GPHN: variants seen among roughly 807,000 people sequenced by gnomAD.
GPHN encodes gephyrin.
GPHN carries 17 observed loss-of-function variants against 95.5 expected under a neutral mutation model. That is an observed-to-expected ratio of 0.18 (90% confidence interval 0.12 to 0.27). The LOEUF is 0.27. GPHN is among the 10% of genes least tolerant of loss of function. The pLI is 1.00. For synonymous variants in GPHN, 320 were observed against 322.5 expected, an observed-to-expected ratio of 0.99 and a Z score of 0.08; for missense variants, 660 against 978.1, an observed-to-expected ratio of 0.67 and a Z score of 4.34.
chr14:67,423,632 C>A, the GPHN span, among the ~76,000 whole-genome samples: 3 of 152,140 alleles, frequency 2.0e-5, no homozygotes, highest in Non-Finnish European at 4.4e-5. Flanking sequence ...TTGCGGCAAA[C>A]CTTGGCACAG....
intron 2 of GPHN, among the ~76,000 whole-genome samples, chr14:66,727,366 A>T (rs1396780726): frequency 2.6e-5 from 4 of 152,230 alleles, no homozygotes; most frequent in Non-Finnish European, 5.9e-5. Context: ...TGCTGAAAAG[A>T]TACCCAAAAA....
the GPHN span, among the ~76,000 whole-genome samples, chr14:67,667,212 C>T: frequency 2.4e-4 from 37 of 152,186 alleles, no homozygotes; most frequent in Admixed American, 3.9e-4. Flanking sequence ...CCAAGGTGGG[C>T]AGCCTCTCTT....
At chr14:67,253,900 T>C in the GPHN span, among the ~76,000 whole-genome samples, 1 of 150,930 alleles carries the variant, frequency 6.6e-6, no homozygotes, top group African/African-American at 2.4e-5. Flanking sequence ...TGATTCAAAA[T>C]CTTAGGCTTG....
chr14:67,034,270 A>G (rs143196800), intron 10 of GPHN, among the ~76,000 whole-genome samples: 1 of 152,304 alleles, frequency 6.6e-6, no homozygotes, highest in African/African-American at 2.4e-5. Context: ...TGATTGATAG[A>G]TTGTTCTGTT....
chr14:67,659,843 C>G, the GPHN span: 1 of 1,614,134 alleles, frequency 6.2e-7, no homozygotes, highest in Non-Finnish European at 8.5e-7. Flanking sequence ...AAGGTCCTTC[C>G]GGTAGTTTCG....
chr14:66,606,437 A>G (rs1183699867), intron 1 of GPHN, among the ~76,000 whole-genome samples: 1 of 151,972 alleles, frequency 6.6e-6, no homozygotes, highest in Non-Finnish European at 1.5e-5. Flanking sequence ...CTTTTTGCTT[A>G]GTATTGCCTT....
At chr14:66,928,880 A>G (rs1375189333) in intron 8 of GPHN, among the ~76,000 whole-genome samples, 2 of 152,028 alleles carry the variant, frequency 1.3e-5, no homozygotes, top group Non-Finnish European at 2.9e-5. Context: ...TAGATAAGAT[A>G]CATATGATTT....
intron 6 of GPHN, among the ~76,000 whole-genome samples, chr14:66,921,236 T>G (rs908331142): frequency 6.6e-6 from 1 of 152,214 alleles, no homozygotes; most frequent in Admixed American, 6.5e-5. Context: ...GTTCCCTGTT[T>G]ACCGCATCCA....
intron 3 of GPHN, among the ~76,000 whole-genome samples, chr14:66,794,000 C>T (rs1447879535): frequency 6.6e-6 from 1 of 152,060 alleles, no homozygotes; most frequent in African/African-American, 2.4e-5. Context: ...GACTGAATGA[C>T]AAGTATTTTT....
chr14:66,719,127 G>A lies in GPHN; in HGVS notation c.143+37942G>A, dbSNP rs371581734. ...GCTGAGAACTTGCACCAGGCTACCTGCTTCCCATCTGTGAAAGAAAGTAGG... is the reference window on the plus strand; with the variant it reads ...GCTGAGAACTTGCACCAGGCTACCTACTTCCCATCTGTGAAAGAAAGTAGG... On this transcript the variant is annotated intron_variant, in intron 2 of 22. Transcript: ENST00000478722. Among the ~76,000 whole-genome samples, 7 of 152,272 alleles carry A rather than the reference G, an allele frequency of 4.6e-5. No individual in the cohort carries two copies. In the East Asian group the frequency reaches 1.4e-3, roughly 29 times the overall value.
rs57939945 is a variant in GPHN at position 66,629,173 on chromosome 14, A to ATATTTATATACGTATATAAATATATATT, written c.65-51931_65-51930insTTATATACGTATATAAATATATATTTAT. 4.9e-4 allele frequency among the ~76,000 whole-genome samples: 44 copies of ATATTTATATACGTATATAAATATATATT among 90,596 alleles called. 1 individual carries two copies. The highest frequency in any genetic ancestry group is 7.4e-4 in the African/African-American group (12 of 16,312). The allele number at this position is 90,596 out of a possible 152,430, so 59.4% of individuals were successfully genotyped here. Reference sequence around the variant, plus strand: ...CATATATAAATATGTATATAAATATATATATACATATATAAATATGTATAT... The same window carrying ATATTTATATACGTATATAAATATATATT: ...CATATATAAATATGTATATAAATATATATTTATATACGTATATAAATATATATTTATATACATATATAAATATGTATAT... On this transcript the variant is annotated intron_variant, in intron 1 of 22. Coordinates refer to ENST00000478722, the MANE Select transcript of GPHN (RefSeq NM_020806.5).
At chr14:67,179,016 A>G (rs1297503604) in intron 21 of GPHN, among the ~76,000 whole-genome samples, 2 of 152,152 alleles carry the variant, frequency 1.3e-5, no homozygotes, top group Non-Finnish European at 2.9e-5. Flanking sequence ...CAGACAGACA[A>G]AAGCTGAACT....
At chr14:67,429,333 C>T in the GPHN span, among the ~76,000 whole-genome samples, 1 of 151,338 alleles carries the variant, frequency 6.6e-6, no homozygotes, top group African/African-American at 2.4e-5. Context: ...CGGGTTCAAG[C>T]GATTCTCCTG....
chr14:67,477,271 T>C, the GPHN span, among the ~76,000 whole-genome samples: 1 of 152,182 alleles, frequency 6.6e-6, no homozygotes, highest in Non-Finnish European at 1.5e-5. Flanking sequence ...CCGATTGACA[T>C]CTTCAGCCTT....
chr14:67,311,592 T>G, the GPHN span, among the ~76,000 whole-genome samples: 1 of 152,162 alleles, frequency 6.6e-6, no homozygotes, highest in Non-Finnish European at 1.5e-5. Flanking sequence ...AAAGAGAATT[T>G]TAATTCCTTT....
At chr14:66,929,789 G>A (rs143367754) in intron 8 of GPHN, among the ~76,000 whole-genome samples, 73 of 151,320 alleles carry the variant, frequency 4.8e-4, no homozygotes, top group African/African-American at 1.7e-3. Context: ...TTGGCTCACT[G>A]CAGTCTCTGC....
chr14:67,292,255 T>C, the GPHN span, among the ~76,000 whole-genome samples: 19 of 152,204 alleles, frequency 1.2e-4, no homozygotes, highest in South Asian at 2.1e-4. Flanking sequence ...CTCCCCTCAC[T>C]TGTTTTTATA....
At chr14:66,824,071 TAA>T (rs1394352796) in intron 3 of GPHN, among the ~76,000 whole-genome samples, 2 of 152,114 alleles carry the variant, frequency 1.3e-5, no homozygotes, top group Non-Finnish European at 2.9e-5. Context: ...CTTTAGAAAA[TAA>T]AGAGGCAAAT....
chr14:67,554,196 A>G, the GPHN span, among the ~76,000 whole-genome samples: 17 of 152,240 alleles, frequency 1.1e-4, no homozygotes, highest in Admixed American at 9.8e-4. Flanking sequence ...TACTGCTTCC[A>G]TGTAACTTTC....
Sources: allele counts gnomAD v4.1 joint callset (sites outside exome capture counted in the v4.1 genomes callset), GRCh38; gene constraint gnomAD v4.1.1; transcripts MANE v1.5; gene names NCBI Gene and HGNC (gene_info 2026-07-23, HGNC 2026-07-21).